Variants in XKR4 observed in about 807,000 individuals in gnomAD.
The protein encoded by XKR4 is XK-related protein 4.
Under a neutral mutation model 53.9 loss-of-function variants are expected in XKR4, and 12 were observed. The ratio of observed to expected loss-of-function variants is 0.22; its 90% CI spans 0.14 to 0.36. The LOEUF is 0.36. Ranked by LOEUF, XKR4 falls within the 10% of genes least tolerant of loss-of-function variation. The pLI is 1.00. For missense variants in XKR4, 799 were observed against 859.5 expected (o/e 0.93, Z 0.88); for synonymous variants, 354 against 362.4 (o/e 0.98, Z 0.26).
At chr8:55,122,637 G>A (rs7013341) in intron 1 of XKR4, among the ~76,000 whole-genome samples, 3,388 of 152,214 alleles carry the variant, frequency 0.022, 89 homozygotes, top group African/African-American at 0.069. Context: ...AAAGAATCAC[G>A]TTTTCGTGTG....
At chr8:55,326,514 A>G (rs898853260) in intron 1 of XKR4, among the ~76,000 whole-genome samples, 1 of 117,456 alleles carries the variant, frequency 8.5e-6, no homozygotes, top group African/African-American at 3.5e-5. Flanking sequence ...TCTGTCACCC[A>G]GGTTGGAGTG....
At chr8:55,167,797 C>A (rs1044258835) in intron 1 of XKR4, among the ~76,000 whole-genome samples, 2 of 152,082 alleles carry the variant, frequency 1.3e-5, no homozygotes, top group African/African-American at 2.4e-5. Flanking sequence ...AAAAGAGGTG[C>A]AATGATTGAG....
chr8:55,510,489 AG>A (rs1806610067), intron 2 of XKR4, among the ~76,000 whole-genome samples: 1 of 152,014 alleles, frequency 6.6e-6, no homozygotes, highest in Non-Finnish European at 1.5e-5. Context: ...CGGGAGGGAG[AG>A]GGGTTACCAG....
intron 2 of XKR4, chr8:55,453,705 C>A: frequency 2.6e-6 from 1 of 392,054 alleles, no homozygotes; most frequent in Non-Finnish European, 4.9e-6. Flanking sequence ...CTGCTGTCAC[C>A]CGGCCTCTGC....
At chr8:55,154,263 CTATATATGACAAT>C in intron 1 of XKR4, among the ~76,000 whole-genome samples, 1 of 152,134 alleles carries the variant, frequency 6.6e-6, no homozygotes, top group East Asian at 1.9e-4. Context: ...AAATGTTATG[CTATATATGACAAT>C]TTAAGTTATA....
At chr8:55,470,962 T>C (rs896040612) in intron 2 of XKR4, among the ~76,000 whole-genome samples, 2 of 152,146 alleles carry the variant, frequency 1.3e-5, no homozygotes, top group African/African-American at 2.4e-5. Flanking sequence ...CTGTAGACAA[T>C]GTGGCACCAT....
chr8:55,455,032 C>T lies in XKR4; in HGVS notation c.1007-68249C>T, dbSNP rs1412872702. 2.3e-5 allele frequency: 17 copies of T among 747,462 alleles called. No homozygotes were observed. In the Admixed American group the frequency reaches 3.3e-4, roughly 14 times the overall value. 46.3% of individuals were successfully genotyped at this position (747,462 alleles called of 1,614,324 possible). On this transcript the variant is annotated intron_variant, in intron 2 of 2. Coordinates refer to ENST00000327381, the MANE Select transcript of XKR4 (RefSeq NM_052898.2). ...ACAGCTGGGGGAATGGGTTGGCCTC[C>T]CAGTCCTTCTCCGGGAAGAACTGCA...
At position 55,141,137 on chromosome 8, in the gene XKR4, G is replaced by A. The variant is rs529000595; in HGVS notation, c.806+37843G>A. ...CAGTCCCCATTCCCCTCCCACCCAC[G>A]CCTTCCCAGCCCTAAGCAACCACTA... On this transcript the variant is annotated intron_variant, in intron 1 of 2. Transcript: ENST00000327381. Among the ~76,000 whole-genome samples, 14 of 148,502 alleles carry A rather than the reference G, an allele frequency of 9.4e-5. No homozygotes were observed. In the East Asian group the frequency reaches 2.9e-3, roughly 31 times the overall value.
intron 1 of XKR4, among the ~76,000 whole-genome samples, chr8:55,151,605 T>C (rs1330124238): frequency 6.6e-6 from 1 of 152,156 alleles, no homozygotes; most frequent in African/African-American, 2.4e-5. Flanking sequence ...TTTTTATAAG[T>C]ATAAAAGTAA....
chr8:55,358,845 C>T (rs1314647151), intron 2 of XKR4, among the ~76,000 whole-genome samples: 1 of 152,206 alleles, frequency 6.6e-6, no homozygotes, highest in Non-Finnish European at 1.5e-5. Context: ...GAGTTTTGTT[C>T]TGGTTGGTCC....
intron 2 of XKR4, among the ~76,000 whole-genome samples, chr8:55,437,361 T>C (rs910573174): frequency 6.6e-6 from 1 of 152,146 alleles, no homozygotes; most frequent in Admixed American, 6.6e-5. Context: ...AGGAGGTTTC[T>C]ACCCCAAATC....
At position 55,461,097 on chromosome 8, in the gene XKR4, G is replaced by T. The variant is rs923333994; in HGVS notation, c.1007-62184G>T. ...AGCAATAACCTCTGCAGACTTAAATGTCCCTGTCTGACTGCTTTGAAGAGA... is the reference window on the plus strand; with the variant it reads ...AGCAATAACCTCTGCAGACTTAAATTTCCCTGTCTGACTGCTTTGAAGAGA... On this transcript the variant is annotated intron_variant, in intron 2 of 2. Transcript: ENST00000327381. Among the ~76,000 whole-genome samples the T allele has an allele frequency of 5.9e-5, 9 of 152,342 alleles. 1 individual carries two copies. The highest frequency in any genetic ancestry group is 2.2e-4 in the African/African-American group (9 of 41,578).
At chr8:55,317,243 T>C (rs189988172) in intron 1 of XKR4, among the ~76,000 whole-genome samples, 88 of 152,292 alleles carry the variant, frequency 5.8e-4, no homozygotes, top group Middle Eastern at 3.4e-3. Flanking sequence ...AGATGATGAG[T>C]GAACAAAATA....
intron 1 of XKR4, among the ~76,000 whole-genome samples, chr8:55,257,855 G>C (rs1818462612): frequency 6.6e-6 from 1 of 152,148 alleles, no homozygotes; most frequent in Non-Finnish European, 1.5e-5. Context: ...TGTATCTCAG[G>C]TCATATTTGT....
intron 1 of XKR4, among the ~76,000 whole-genome samples, chr8:55,207,102 G>A (rs1455402732): frequency 6.6e-6 from 1 of 152,384 alleles, no homozygotes; most frequent in East Asian, 1.9e-4. Context: ...GAGCAGGGAA[G>A]GAGAGGTCCT....
chr8:55,114,775 T>C (rs117291288), intron 1 of XKR4, among the ~76,000 whole-genome samples: 2,375 of 152,296 alleles, frequency 0.016, 28 homozygotes, highest in Admixed American at 0.025. Flanking sequence ...CATGAGCAAC[T>C]CATCTGCTAA....
At chr8:55,422,485 GC>G (rs1174746110) in intron 2 of XKR4, among the ~76,000 whole-genome samples, 2 of 152,188 alleles carry the variant, frequency 1.3e-5, no homozygotes, top group African/African-American at 4.8e-5. Flanking sequence ...GATGAATATT[GC>G]AACATGTACT....
At chr8:55,206,174 A>T (rs565726437) in intron 1 of XKR4, among the ~76,000 whole-genome samples, 45 of 152,334 alleles carry the variant, frequency 3.0e-4, no homozygotes, top group African/African-American at 1.0e-3. Context: ...GCAAAAGAAC[A>T]AACCTTCCAC....
chr8:55,479,697 A>T (rs1486902445), intron 2 of XKR4, among the ~76,000 whole-genome samples: 1 of 152,192 alleles, frequency 6.6e-6, no homozygotes. Flanking sequence ...AATAGGCGCA[A>T]TAAAAATGAT....
Sources: allele counts gnomAD v4.1 joint callset (sites outside exome capture counted in the v4.1 genomes callset), GRCh38; gene constraint gnomAD v4.1.1; transcripts MANE v1.5; gene names NCBI Gene and HGNC (gene_info 2026-07-23, HGNC 2026-07-21).